The following PVT1 variants were observed in gnomAD, a reference collection of about 807,000 sequenced individuals.
PVT1 encodes CXCR4/PVT1 fusion.
At chr8:127,992,324 G>A (rs920469507) in intron 4 of PVT1, among the ~76,000 whole-genome samples, 1 of 152,228 alleles carries the variant, frequency 6.6e-6, no homozygotes, top group Non-Finnish European at 1.5e-5. Context: ...AGGCAGAGTT[G>A]TAGTTAGCCA....
chr8:127,875,285 A>G (rs902075732), intron 2 of PVT1, among the ~76,000 whole-genome samples: 9 of 152,050 alleles, frequency 5.9e-5, no homozygotes, highest in Non-Finnish European at 1.0e-4. Context: ...TTCTGGAGCC[A>G]TAGCAAGAAG....
intron 3 of PVT1, among the ~76,000 whole-genome samples, chr8:127,975,807 GAAGAA>G (rs770533482): frequency 6.6e-5 from 10 of 152,214 alleles, no homozygotes; most frequent in South Asian, 4.1e-4. Flanking sequence ...AAAACGAAGA[GAAGAA>G]AAGTCCCTGT....
At chr8:128,064,361 C>G (rs951783712) in intron 4 of PVT1, among the ~76,000 whole-genome samples, 5 of 152,192 alleles carry the variant, frequency 3.3e-5, no homozygotes, top group African/African-American at 9.7e-5. Context: ...CACATTTGCA[C>G]ACATGCAAAA....
intron 4 of PVT1, among the ~76,000 whole-genome samples, chr8:128,004,588 A>G (rs1219814009): frequency 6.6e-6 from 1 of 152,180 alleles, no homozygotes; most frequent in Non-Finnish European, 1.5e-5. Context: ...GTAGAGATGA[A>G]ATGAGATAAT....
At chr8:127,837,072 TTGTC>T (rs1254503535) in intron 2 of PVT1, among the ~76,000 whole-genome samples, 1 of 152,134 alleles carries the variant, frequency 6.6e-6, no homozygotes, top group Admixed American at 6.6e-5. Flanking sequence ...GGTCTGTTAT[TTGTC>T]TGGGAAGTGG....
At chr8:127,904,556 A>T (rs1815797551) in intron 3 of PVT1, among the ~76,000 whole-genome samples, 1 of 152,184 alleles carries the variant, frequency 6.6e-6, no homozygotes, top group South Asian at 2.1e-4. Context: ...CAGAACATTC[A>T]TGTGGTAGCC....
At chr8:127,899,140 C>T (rs933634671) in intron 3 of PVT1, among the ~76,000 whole-genome samples, 3 of 152,172 alleles carry the variant, frequency 2.0e-5, no homozygotes, top group African/African-American at 7.2e-5. Flanking sequence ...AATAAGGATA[C>T]CCATAATGAA....
At chr8:127,926,604 C>T (rs1386561078) in intron 3 of PVT1, among the ~76,000 whole-genome samples, 2 of 152,202 alleles carry the variant, frequency 1.3e-5, no homozygotes, top group African/African-American at 4.8e-5. Context: ...AGTTGGTCCC[C>T]AGCCGAGACC....
intron 2 of PVT1, among the ~76,000 whole-genome samples, chr8:127,864,589 C>T (rs1815266148): frequency 6.6e-6 from 1 of 152,056 alleles, no homozygotes; most frequent in Non-Finnish European, 1.5e-5. Flanking sequence ...GCTCTGTCAC[C>T]CAGGCTGGAG....
intron 3 of PVT1, among the ~76,000 whole-genome samples, chr8:127,987,783 G>A (rs1346024384): frequency 1.3e-5 from 2 of 152,218 alleles, no homozygotes; most frequent in African/African-American, 2.4e-5. Context: ...TTTGGGTAAC[G>A]AAGCAAATTC....
intron 3 of PVT1, among the ~76,000 whole-genome samples, chr8:127,928,348 G>T (rs544652061): frequency 3.4e-4 from 52 of 152,100 alleles, no homozygotes; most frequent in Non-Finnish European, 6.9e-4. Context: ...CTGCTTCTTG[G>T]CTGTGAATTT....
chr8:127,816,222 A>G (rs1814657600), intron 2 of PVT1, among the ~76,000 whole-genome samples: 2 of 152,186 alleles, frequency 1.3e-5, no homozygotes, highest in African/African-American at 2.4e-5. Flanking sequence ...GATCCAAACT[A>G]TGAACACTGA....
chr8:127,929,199 GTTTT>G (rs34027484), intron 3 of PVT1, among the ~76,000 whole-genome samples: 1,745 of 138,096 alleles, frequency 0.013, 24 homozygotes, highest in African/African-American at 0.038. Context: ...TCATTTTTCT[GTTTT>G]TTTTTTTTTT....
intron 3 of PVT1, among the ~76,000 whole-genome samples, chr8:127,958,391 C>T (rs1018797052): frequency 1.5e-4 from 23 of 152,194 alleles, no homozygotes; most frequent in Admixed American, 3.9e-4. Flanking sequence ...AGGTGCACAC[C>T]GCCATGCCCA....
intron 4 of PVT1, among the ~76,000 whole-genome samples, chr8:128,040,662 C>T (rs566818055): frequency 1.3e-5 from 2 of 152,218 alleles, no homozygotes; most frequent in South Asian, 4.2e-4. Context: ...GGAGCCAGTC[C>T]ATGGGGCCGC....
chr8:128,074,541 G>C (rs950620861), intron 5 of PVT1, among the ~76,000 whole-genome samples: 2 of 151,218 alleles, frequency 1.3e-5, no homozygotes, highest in Non-Finnish European at 2.9e-5. Flanking sequence ...AAAAAAGGGG[G>C]GGGCTCCTTC....
intron 3 of PVT1, among the ~76,000 whole-genome samples, chr8:127,909,126 G>T (rs931483177): frequency 2.6e-5 from 4 of 152,224 alleles, no homozygotes; most frequent in African/African-American, 9.7e-5. Context: ...TCAATATGGC[G>T]TTAGTTCGTA....
At chr8:128,016,957 A>T (rs1250023198) in intron 4 of PVT1, among the ~76,000 whole-genome samples, 1 of 152,182 alleles carries the variant, frequency 6.6e-6, no homozygotes, top group Non-Finnish European at 1.5e-5. Flanking sequence ...AGGCCAAGGT[A>T]AGAGTATGGC....
chr8:127,916,962 C>G (rs957426862), intron 3 of PVT1, among the ~76,000 whole-genome samples: 2 of 152,094 alleles, frequency 1.3e-5, no homozygotes, highest in East Asian at 3.8e-4. Context: ...TGGAGGCTAC[C>G]AAAAGCTTTA....
Sources: gnomAD v4.1 joint callset for allele counts (sites outside exome capture counted in the v4.1 genomes callset) on GRCh38, gnomAD v4.1.1 for gene constraint, MANE v1.5 for transcripts, NCBI Gene and HGNC (gene_info 2026-07-23, HGNC 2026-07-21) for gene names.